PRORP: variants seen among roughly 807,000 people sequenced by gnomAD.
PRORP encodes protein only RNase P catalytic subunit, also known as mitochondrial ribonuclease P catalytic subunit.
A neutral mutation model predicts 59.4 loss-of-function variants in PRORP; 51 were observed. The observed-to-expected ratio is 0.86, with a 90% confidence interval of 0.69 to 1.08. The LOEUF (loss-of-function observed/expected upper bound fraction) is 1.08. Ranked by LOEUF, PRORP falls within the 50% of genes least tolerant of loss-of-function variation. The pLI is 0.00. For synonymous variants in PRORP, 231 were observed against 245.6 expected (o/e 0.94, Z 0.55); for missense variants, 646 against 690.3 (o/e 0.94, Z 0.72).
chr14:35,265,703 TAAA>T (rs1368818308), intron 5 of PRORP, among the ~76,000 whole-genome samples: 2 of 152,150 alleles, frequency 1.3e-5, no homozygotes, highest in Non-Finnish European at 2.9e-5. Context: ...TTTACAAACT[TAAA>T]AAGAAGTAGA....
rs539756966 is a variant in PRORP at position 35,252,419 on chromosome 14, C to A, written c.1276-14308C>A. 4.6e-5 allele frequency among the ~76,000 whole-genome samples: 7 copies of A among 152,278 alleles called. No homozygotes were observed. The South Asian group carries it at 1.5e-3, about 32-fold the overall frequency. On this transcript the variant is annotated intron_variant, in intron 5 of 7. Transcript: ENST00000534898. ...CCAGCCTGGATGGCAGAGTGAAACC[C>A]TGTCTCAAAAACAAAAAACAAACAA... is the stretch of plus-strand genomic sequence containing the variant.
chr14:35,255,196 C>T (rs866071840), intron 5 of PRORP, among the ~76,000 whole-genome samples: 1 of 152,122 alleles, frequency 6.6e-6, no homozygotes, highest in East Asian at 1.9e-4. Context: ...GGCGTGATCT[C>T]GGCTCACTGC....
At chr14:35,154,195 C>T (rs888462988) in intron 4 of PRORP, among the ~76,000 whole-genome samples, 1 of 151,990 alleles carries the variant, frequency 6.6e-6, no homozygotes, top group Non-Finnish European at 1.5e-5. Flanking sequence ...GAGTGGAGCC[C>T]CAAAGACAGT....
At chr14:35,273,360 A>T in intron 7 of PRORP, 75 bp from the exon 8 acceptor site, 1 of 1,410,098 alleles carries the variant, frequency 7.1e-7, no homozygotes, top group African/African-American at 1.5e-5. Flanking sequence ...AAACTTGAGA[A>T]GTGTCAGAAA....
chr14:35,176,654 G>A (rs928114822), intron 4 of PRORP, among the ~76,000 whole-genome samples: 8 of 152,106 alleles, frequency 5.3e-5, no homozygotes, highest in Admixed American at 3.3e-4. Context: ...GAGACAATGG[G>A]GTTTTCTAAA....
At position 35,226,557 on chromosome 14, in the gene PRORP, A is replaced by C. The variant is rs145499844; in HGVS notation, c.1276-40170A>C. Among the ~76,000 whole-genome samples, 427 of 152,296 alleles carry C rather than the reference A, an allele frequency of 2.8e-3. 3 individuals are homozygous for C. Among genetic ancestry groups the C allele is most frequent in the African/African-American group, 0.01 (418 of 41,540 alleles). On this transcript the variant is annotated intron_variant, in intron 5 of 7. Transcript: ENST00000534898. ...CAACGCTGTTTAGACAGCACCACAT[A>C]ATAAAGTAGTACTTTGGAGATAGGC...
intron 4 of PRORP, among the ~76,000 whole-genome samples, chr14:35,142,361 T>TC (rs1566452271): frequency 2.2e-5 from 3 of 137,108 alleles, no homozygotes; most frequent in African/African-American, 7.6e-5. Flanking sequence ...TTTTTTTTTT[T>TC]CCAAGAGATG....
At chr14:35,178,875 G>A (rs1419345781) in intron 4 of PRORP, among the ~76,000 whole-genome samples, 1 of 152,112 alleles carries the variant, frequency 6.6e-6, no homozygotes, top group Non-Finnish European at 1.5e-5. Flanking sequence ...GCAGTGGCTG[G>A]TACCGGTTGT....
chr14:35,126,734 G>T lies in PRORP; in HGVS notation c.987-1G>T. 1 of 1,607,982 alleles carries T rather than the reference G, an allele frequency of 6.2e-7. No individual in the cohort carries two copies. The highest frequency in any genetic ancestry group is 8.5e-7 in the Non-Finnish European group (1 of 1,176,136). ...GATTTGGTTTTGCAATCTTTTCATA[G>T]TGTTCCTGGAAAACAATGGAAAGGA... On this transcript the variant is annotated splice_acceptor_variant, in intron 2 of 7. Transcript: ENST00000534898. LOFTEE classifies it high-confidence loss of function.
intron 4 of PRORP, among the ~76,000 whole-genome samples, chr14:35,161,322 GAAC>G (rs2048054223): frequency 6.6e-6 from 1 of 152,120 alleles, no homozygotes; most frequent in African/African-American, 2.4e-5. Flanking sequence ...TATTCCTGAG[GAAC>G]GTAAGGCCCA....
chr14:35,188,961 A>AAAG (rs1555326791), intron 5 of PRORP, among the ~76,000 whole-genome samples: 3 of 132,776 alleles, frequency 2.3e-5, no homozygotes, highest in Admixed American at 8.2e-5. Flanking sequence ...AAAAAAAAAA[A>AAAG]AAAGTATTGC....
intron 4 of PRORP, among the ~76,000 whole-genome samples, chr14:35,179,318 A>G (rs1253542556): frequency 6.6e-6 from 1 of 152,160 alleles, no homozygotes; most frequent in Admixed American, 6.6e-5. Context: ...TCTCCTGGAT[A>G]ATATCCTGCA....
intron 5 of PRORP, among the ~76,000 whole-genome samples, chr14:35,192,135 A>C (rs1302576521): frequency 1.3e-5 from 2 of 152,128 alleles, no homozygotes; most frequent in African/African-American, 4.8e-5. Flanking sequence ...CTCTCTTTTC[A>C]ACCTCATCTG....
intron 4 of PRORP, among the ~76,000 whole-genome samples, chr14:35,129,704 C>T (rs1205780292): frequency 6.6e-6 from 1 of 151,874 alleles, no homozygotes; most frequent in Non-Finnish European, 1.5e-5. Context: ...TGGCCTCGAA[C>T]TCCTGACCTC....
At chr14:35,232,054 C>T (rs774686308) in intron 5 of PRORP, among the ~76,000 whole-genome samples, 4 of 152,176 alleles carry the variant, frequency 2.6e-5, no homozygotes, top group Non-Finnish European at 4.4e-5. Context: ...TAACAGTTTA[C>T]AGATCACTTC....
intron 5 of PRORP, among the ~76,000 whole-genome samples, chr14:35,221,074 T>C (rs1466454644): frequency 6.6e-6 from 1 of 152,150 alleles, no homozygotes; most frequent in Non-Finnish European, 1.5e-5. Context: ...GTAGTAGATA[T>C]TAGCTGGGTT....
chr14:35,218,485 A>AAAC (rs1348565728), intron 5 of PRORP, among the ~76,000 whole-genome samples: 2 of 133,106 alleles, frequency 1.5e-5, no homozygotes, highest in Admixed American at 7.5e-5. Context: ...AAAAAAAAAA[A>AAAC]CCAACAACAA....
chr14:35,226,008 G>A (rs1451604039), intron 5 of PRORP, among the ~76,000 whole-genome samples: 2 of 152,184 alleles, frequency 1.3e-5, no homozygotes, highest in African/African-American at 4.8e-5. Flanking sequence ...GTGACCTAGT[G>A]ATACCTGTTA....
chr14:35,187,501 G>T (rs1463731755), intron 5 of PRORP, among the ~76,000 whole-genome samples: 3 of 148,996 alleles, frequency 2.0e-5, no homozygotes, highest in African/African-American at 7.4e-5. Context: ...TCAGCTCACT[G>T]CAACCTCTGC....
Sources: gnomAD v4.1 joint callset for allele counts (sites outside exome capture counted in the v4.1 genomes callset) on GRCh38, gnomAD v4.1.1 for gene constraint, MANE v1.5 for transcripts, NCBI Gene and HGNC (gene_info 2026-07-23, HGNC 2026-07-21) for gene names.